Variants in RANBP17 observed in about 807,000 individuals in gnomAD.
RANBP17 encodes the protein ran-binding protein 17.
Under a neutral mutation model 141.2 loss-of-function variants are expected in RANBP17, and 158 were observed. The ratio of observed to expected loss-of-function variants is 1.12; its 90% CI spans 0.98 to 1.28. The LOEUF is 1.28. RANBP17 is among the 50% of genes most tolerant of loss of function. RANBP17 has a pLI of 0.00. For synonymous variants in RANBP17, 430 were observed against 450.0 expected (o/e 0.96, Z 0.56); for missense variants, 1,438 against 1,290.7 (o/e 1.11, Z -1.75).
intron 14 of RANBP17, among the ~76,000 whole-genome samples, chr5:171,138,539 CAA>C (rs532709660): frequency 8.1e-4 from 79 of 97,864 alleles, no homozygotes; most frequent in East Asian, 1.1e-3. Flanking sequence ...TTCCCTACTG[CAA>C]AAAAAAAAAA....
intron 16 of RANBP17, among the ~76,000 whole-genome samples, chr5:171,173,286 C>A (rs1760223059): frequency 6.6e-6 from 1 of 151,766 alleles, no homozygotes; most frequent in Non-Finnish European, 1.5e-5. Flanking sequence ...GATTTTAAAG[C>A]AATACATTAT....
chr5:170,990,607 A>G (rs904841988), intron 14 of RANBP17, among the ~76,000 whole-genome samples: 3 of 151,982 alleles, frequency 2.0e-5, no homozygotes, highest in Non-Finnish European at 2.9e-5. Context: ...TTATTTAATT[A>G]TAAGAAAGTA....
At chr5:171,091,961 A>G (rs773749707) in intron 14 of RANBP17, among the ~76,000 whole-genome samples, 130 of 152,228 alleles carry the variant, frequency 8.5e-4, no homozygotes, top group Non-Finnish European at 1.4e-3. Flanking sequence ...CCACAGGGCC[A>G]ACTGCAGGAC....
intron 5 of RANBP17, chr5:170,896,920 T>A (rs1770177214): frequency 7.5e-6 from 5 of 665,516 alleles, no homozygotes; most frequent in Non-Finnish European, 1.4e-5. Flanking sequence ...CAGCTGACTA[T>A]GCACCAGAAT....
chr5:171,281,748 G>A (rs1488486643), intron 25 of RANBP17, among the ~76,000 whole-genome samples: 1 of 152,188 alleles, frequency 6.6e-6, no homozygotes, highest in Admixed American at 6.5e-5. Context: ...CACATAAAAA[G>A]AGCTAATAAT....
At chr5:171,125,059 C>A (rs1488810865) in intron 14 of RANBP17, among the ~76,000 whole-genome samples, 1 of 152,088 alleles carries the variant, frequency 6.6e-6, no homozygotes, top group Non-Finnish European at 1.5e-5. Flanking sequence ...CTTTGGGAGG[C>A]CGAGGCGGGC....
rs777209986 is a variant in RANBP17 at position 170,924,376 on chromosome 5, C to T, written c.1294C>T (p.Leu432=). Residue 432 remains leucine (L), a synonymous_variant, in exon 12 of 28, where the codon CTG becomes TTG. Transcript: ENST00000523189. ...IVVRDHLDDP[L]DDTATVFQQL... Reference sequence around the variant, plus strand: ...TTGCAGAGATCACTTAGATGATCCACTGGATGATACTGCCACTGTGTTTCA... The same window carrying T: ...TTGCAGAGATCACTTAGATGATCCATTGGATGATACTGCCACTGTGTTTCA... 2 of 1,591,828 alleles carry T rather than the reference C, an allele frequency of 1.3e-6. No individual in the cohort carries two copies. Among genetic ancestry groups the T allele is most frequent in the East Asian group, 4.5e-5 (2 of 44,406 alleles).
At chr5:170,907,941 A>G (rs894276634) in intron 5 of RANBP17, among the ~76,000 whole-genome samples, 3 of 152,020 alleles carry the variant, frequency 2.0e-5, no homozygotes, top group African/African-American at 7.2e-5. Context: ...ATTACTCATC[A>G]TCTTAGAAAT....
intron 24 of RANBP17, among the ~76,000 whole-genome samples, chr5:171,250,459 T>TA (rs1221644120): frequency 6.6e-6 from 1 of 151,952 alleles, no homozygotes; most frequent in East Asian, 1.9e-4. Context: ...CAATTAACAA[T>TA]ATGACAGGAA....
chr5:171,180,963 C>G (rs2127913580), intron 16 of RANBP17, among the ~76,000 whole-genome samples: 1 of 152,300 alleles, frequency 6.6e-6, no homozygotes, highest in East Asian at 1.9e-4. Flanking sequence ...TCTTATTACC[C>G]ATAGACCCTG....
chr5:171,284,183 T>A (rs928547405), intron 25 of RANBP17, among the ~76,000 whole-genome samples: 2 of 152,076 alleles, frequency 1.3e-5, no homozygotes, highest in African/African-American at 4.8e-5. Flanking sequence ...CTGCTTAGGG[T>A]TCCATTCATT....
chr5:171,138,570 A>G (rs1757474232), intron 14 of RANBP17, among the ~76,000 whole-genome samples: 1 of 150,942 alleles, frequency 6.6e-6, no homozygotes, highest in Non-Finnish European at 1.5e-5. Context: ...CTGAGAAAGC[A>G]TCCTTCATAG....
At chr5:171,203,343 G>C (rs998207660) in intron 19 of RANBP17, among the ~76,000 whole-genome samples, 1 of 152,102 alleles carries the variant, frequency 6.6e-6, no homozygotes, top group Non-Finnish European at 1.5e-5. Context: ...TTCATATGGG[G>C]GCTGGATATG....
chr5:170,927,430 G>A (rs531980919), intron 12 of RANBP17, among the ~76,000 whole-genome samples: 156 of 151,988 alleles, frequency 1.0e-3, no homozygotes, highest in Non-Finnish European at 1.6e-3. Flanking sequence ...TGTGAAAAAT[G>A]GTTTTTCAGT....
intron 7 of RANBP17, among the ~76,000 whole-genome samples, chr5:170,911,868 C>T (rs139504780): frequency 0.014 from 2,102 of 151,870 alleles, 27 homozygotes; most frequent in Admixed American, 0.024. Context: ...CCTAAGGTAC[C>T]TCTGAACTCA....
At position 170,919,448 on chromosome 5, in the gene RANBP17, A is replaced by G. The variant is rs769935560; in HGVS notation, c.1109A>G (p.Glu370Gly). Residue 370 changes from glutamate to glycine, a missense_variant, in exon 11 of 28, where the codon GAA becomes GGA. Coordinates refer to ENST00000523189, the MANE Select transcript of RANBP17 (RefSeq NM_022897.5). ...NFTITSLQHW[E>G]FAPNSVHYLL... ...TGCTTTATTTCTTTGTAGCACTGGG[A>G]ATTTGCTCCTAACAGTGTTCATTAT... The G allele has an allele frequency of 3.2e-6, 5 of 1,570,982 alleles. No individual in the cohort carries two copies.
chr5:170,951,912 A>G (rs891238121), intron 12 of RANBP17, among the ~76,000 whole-genome samples: 2 of 152,094 alleles, frequency 1.3e-5, no homozygotes, highest in African/African-American at 4.8e-5. Context: ...AACAGGGGGA[A>G]ATAATCTGCA....
intron 14 of RANBP17, among the ~76,000 whole-genome samples, chr5:171,004,841 T>C (rs564231270): frequency 5.9e-5 from 9 of 152,314 alleles, no homozygotes; most frequent in African/African-American, 2.2e-4. Flanking sequence ...GCCAGGCTTT[T>C]GGCATTTGAA....
intron 25 of RANBP17, among the ~76,000 whole-genome samples, chr5:171,281,612 TC>T (rs1287566724): frequency 2.0e-5 from 3 of 152,094 alleles, no homozygotes; most frequent in Non-Finnish European, 4.4e-5. Flanking sequence ...GGTCAGAAAT[TC>T]CTTGAGCAGT....
Sources: allele counts gnomAD v4.1 joint callset (sites outside exome capture counted in the v4.1 genomes callset), GRCh38; gene constraint gnomAD v4.1.1; transcripts MANE v1.5; gene names NCBI Gene and HGNC (gene_info 2026-07-23, HGNC 2026-07-21).